Variants in CHTF18 observed in about 807,000 individuals in gnomAD.
CHTF18 encodes the protein chromosome transmission fidelity factor 18.
In CHTF18, 151 loss-of-function variants were observed where a neutral mutation model predicts 113.4. That is an observed-to-expected ratio of 1.33 (90% CI 1.17 to 1.52). The LOEUF (loss-of-function observed/expected upper bound fraction) is 1.52. Among genes scored for constraint, CHTF18 ranks in the 40% most tolerant of loss-of-function variants. CHTF18 has a pLI of 0.00. For synonymous variants in CHTF18, 916 were observed against 598.8 expected (o/e 1.53, Z -7.74); for missense variants, 1,982 against 1,381.6 (o/e 1.43, Z -6.89).
At chr16:790,916 C>T in intron 7 of CHTF18, 3 of 1,432,938 alleles carry the variant, frequency 2.1e-6, no homozygotes, top group South Asian at 1.5e-5. Flanking sequence ...TTCCTACCTT[C>T]ACAGCAGCTG....
chr16:791,654 A>G, intron 8 of CHTF18, 197 bp from the exon 9 acceptor site: 1 of 1,428,078 alleles, frequency 7.0e-7, no homozygotes, highest in East Asian at 2.5e-5. Flanking sequence ...TGTCTGCACG[A>G]ACTTTGCTTT....
In CHTF18 at chr16:794,159, G is replaced by C. The variant is rs1327005432; in HGVS notation, c.1908G>C (p.Leu636=). ...CCTCACAGCGATTCTACCGTGTCCT[G>C]CATGCCGCTGCCTCTGCGGGCGAGC... The part of the protein sequence containing the change: ...TSASQRFYRV[L]HAAASAGEHE... Residue 636 remains leucine, a synonymous_variant, in exon 15 of 22, where the codon CTG becomes CTC. Coordinates refer to ENST00000262315, the MANE Select transcript of CHTF18 (RefSeq NM_022092.3). 1.9e-6 allele frequency: 3 copies of C among 1,612,240 alleles called. No homozygotes were observed. Among genetic ancestry groups the C allele is most frequent in the Non-Finnish European group, 8.5e-7 (1 of 1,179,666 alleles).
At chr16:794,862 G>C in intron 15 of CHTF18, 1 of 452,900 alleles carries the variant, frequency 2.2e-6, no homozygotes, top group Non-Finnish European at 3.7e-6. Flanking sequence ...ACCCCCTCGT[G>C]TCAGTCTCTG....
rs1307604691 is a variant in CHTF18 at position 792,208 on chromosome 16, G to C, written c.1203-16G>C. 3 of 1,567,410 alleles carry C rather than the reference G, an allele frequency of 1.9e-6. No homozygotes were observed. Among genetic ancestry groups the C allele is most frequent in the African/African-American group, 1.4e-5 (1 of 73,676 alleles). ...GACGCCCACTGCCCTGACGACCCCTGACCTCCCCATTGCAGTGACGACCGT... is the reference window on the plus strand; with the variant it reads ...GACGCCCACTGCCCTGACGACCCCTCACCTCCCCATTGCAGTGACGACCGT... On this transcript the variant is annotated splice_polypyrimidine_tract_variant and intron_variant, in intron 9 of 21. Transcript: ENST00000262315.
intron 12 of CHTF18, 65 bp downstream of exon 12, chr16:792,876 C>T (rs2042238298): frequency 6.5e-7 from 1 of 1,528,610 alleles, no homozygotes; most frequent in Non-Finnish European, 8.8e-7. Context: ...CGTTCTGGCC[C>T]CTGTTTCCCT....
Position 792,344 on chromosome 16 carries a change from C to A in CHTF18, c.1323C>A (p.Pro441=). 1 of 1,554,676 alleles carries A rather than the reference C, an allele frequency of 6.4e-7. No individual in the cohort carries two copies. Among genetic ancestry groups the A allele is most frequent in the Non-Finnish European group, 8.7e-7 (1 of 1,149,706 alleles). The part of the protein sequence containing the change: ...CLVIDEIDGA[P]VAAINVLLSI... ...TCATCGATGAGATCGACGGGGCCCC[C>A]GTGGTGGGCTCCTTGATGCCTGGGT... is the stretch of plus-strand genomic sequence containing the variant. Residue 441 remains proline, a synonymous_variant, in exon 10 of 22, where the codon CCC becomes CCA. Coordinates refer to ENST00000262315, the MANE Select transcript of CHTF18 (RefSeq NM_022092.3).
rs377727580 is a variant in CHTF18, at chr16:790,632, C to T, written c.860C>T (p.Ala287Val). The T allele has an allele frequency of 9.5e-6, 15 of 1,579,582 alleles. No individual in the cohort carries two copies. The highest frequency in any genetic ancestry group is 6.7e-5 in the African/African-American group (5 of 74,160). ...CACTGCCTCTGGGTGGATGAGTTTG[C>T]ACCCCGCCACTACACGGAGCTGCTC... is the stretch of plus-strand genomic sequence containing the variant. Reference protein sequence around the residue: ...SSHCLWVDEFAPRHYTELLSD... With the variant: ...SSHCLWVDEFVPRHYTELLSD... Residue 287 changes from alanine to valine, a missense_variant, in exon 7 of 22, where the codon GCA becomes GTA. Ala to Val is a moderately conservative substitution (Grantham distance 64). Transcript: ENST00000262315.
chr16:794,796 AG>A (rs2042292906), intron 15 of CHTF18: 1 of 358,810 alleles, frequency 2.8e-6, no homozygotes, highest in Admixed American at 4.5e-5. Context: ...AGGCAGTCTA[AG>A]GAGGGGCTGA....
At position 790,396 on chromosome 16, in the gene CHTF18, A is replaced by G. The variant is rs764320630; in HGVS notation, c.749A>G (p.His250Arg). 37 of 1,612,394 alleles carry G rather than the reference A, an allele frequency of 2.3e-5. No homozygotes were observed. The highest frequency in any genetic ancestry group is 3.1e-5 in the Non-Finnish European group (37 of 1,179,774). Reference protein sequence around the residue: ...QEAQKLSDTLHSLRSGEEEAA... With the variant: ...QEAQKLSDTLRSLRSGEEEAA... Reference sequence around the variant, plus strand: ...GCCCAGAAGCTTTCAGACACCCTGCACAGGTGACTTGGTTGGCCCTTCCGC... The same window carrying G: ...GCCCAGAAGCTTTCAGACACCCTGCGCAGGTGACTTGGTTGGCCCTTCCGC... The change falls in exon 6 of 22, where the codon CAC (histidine) becomes CGC (arginine). Residue 250 changes from histidine to arginine, a missense_variant. Coordinates refer to ENST00000262315, the MANE Select transcript of CHTF18 (RefSeq NM_022092.3).
Position 790,253 on chromosome 16 carries a change from A to G in CHTF18, c.683A>G (p.Lys228Arg). 6.2e-7 allele frequency: 1 copy of G among 1,607,190 alleles called. No individual in the cohort carries two copies. Among genetic ancestry groups the G allele is most frequent in the East Asian group, 2.2e-5 (1 of 44,608 alleles). ...LLGVSLASLKKQVDGERRERL... is the reference protein window; with the variant it reads ...LLGVSLASLKRQVDGERRERL... ...GGTGTGTCCTTAGCCTCCCTGAAGA[A>G]GCAGGTCGACGGCGAGGTAGGGGCT... The change falls in exon 5 of 22, where the codon AAG becomes AGG. Residue 228 changes from lysine to arginine, a missense_variant. By Grantham distance (26) the Lys-to-Arg change is conservative (BLOSUM62 2). Transcript: ENST00000262315.
intron 21 of CHTF18, 25 bp from the exon 22 acceptor site, chr16:797,814 G>A (rs1378076835): frequency 6.3e-7 from 1 of 1,593,168 alleles, no homozygotes; most frequent in African/African-American, 1.3e-5. Context: ...CCTTACAGCT[G>A]AGGAGCAACC....
At position 795,001 on chromosome 16, in the gene CHTF18, G is replaced by A. The variant is rs554278936; in HGVS notation, c.1951-131G>A. ...CGCCCAGCGTCGTGGGGACCCTTGT[G>A]GAGGGTCTGCGAAGCCTCGTGGGGC... On this transcript the variant is annotated intron_variant, in intron 15 of 21. Transcript: ENST00000262315. 300 of 715,752 alleles carry A rather than the reference G, an allele frequency of 4.2e-4. 1 individual carries two copies. The African/African-American group carries it at 5.0e-3, about 12-fold the overall frequency. 44.3% of individuals were successfully genotyped at this position (715,752 alleles called of 1,614,324 possible).
At chr16:791,701 GA>G in intron 8 of CHTF18, 149 bp from the exon 9 acceptor site, 1 of 1,434,180 alleles carries the variant, frequency 7.0e-7, no homozygotes. Context: ...CTTGGTGTGT[GA>G]AAGTGCTCAA....
chr16:788,836 G>T, intron 1 of CHTF18, 61 bp downstream of exon 1: 1 of 1,541,960 alleles, frequency 6.5e-7, no homozygotes, highest in Non-Finnish European at 8.7e-7. Context: ...TGGCGACCTC[G>T]GGGAGGGCGT....
intron 8 of CHTF18, 104 bp downstream of exon 8, chr16:791,474 G>A (rs1057282499): frequency 1.3e-5 from 19 of 1,461,784 alleles, no homozygotes; most frequent in Non-Finnish European, 1.6e-5. Context: ...TGGGTGTGGT[G>A]ACGTGTGGGT....
chr16:792,645 G>T, intron 11 of CHTF18, 55 bp downstream of exon 11: 1 of 1,589,530 alleles, frequency 6.3e-7, no homozygotes. Flanking sequence ...CTGGAGGGAG[G>T]GTTCCGGCCC....
intron 7 of CHTF18, chr16:790,949 G>A (rs1238884626): frequency 1.4e-5 from 20 of 1,435,222 alleles, no homozygotes; most frequent in Non-Finnish European, 1.5e-5. Flanking sequence ...CCCTGGGGAG[G>A]GCAGGGGCCT....
rs111984230 is a variant in CHTF18 at position 795,537 on chromosome 16, G to T, written c.2176-148G>T. ...TGTGGCTGCCCCCGGCCCCGTGCCCGCCCCCCCAAACACACTGCCCGTGTG... is the reference window on the plus strand; with the variant it reads ...TGTGGCTGCCCCCGGCCCCGTGCCCTCCCCCCCAAACACACTGCCCGTGTG... On this transcript the variant is annotated intron_variant, in intron 16 of 21. Transcript: ENST00000262315. 9.0e-4 allele frequency: 60 copies of T among 66,888 alleles called. No homozygotes were observed. In the Admixed American group the frequency reaches 9.4e-3, roughly 10 times the overall value. The allele number at this position is 66,888 out of a possible 1,614,324, so 4.1% of individuals were successfully genotyped here.
In CHTF18 at chr16:792,831, C is replaced by T; in HGVS notation, c.1572+20C>T. On this transcript the variant is annotated intron_variant, in intron 12 of 21. Transcript: ENST00000262315. ...CAGGAGGTCGGTGGAGCCCCAGGAG[C>T]CGTGTGGCTGATGGCGGGGTTGGGG... 6.5e-7 allele frequency: 1 copy of T among 1,537,414 alleles called. No individual in the cohort carries two copies. Among genetic ancestry groups the T allele is most frequent in the Non-Finnish European group, 8.7e-7 (1 of 1,144,512 alleles).
Sources: allele counts gnomAD v4.1 joint callset, GRCh38; gene constraint gnomAD v4.1.1; transcripts MANE v1.5; gene names NCBI Gene and HGNC (gene_info 2026-07-23, HGNC 2026-07-21).